Variants in CCND2 observed in about 807,000 individuals in gnomAD.
CCND2 encodes G1/S-specific cyclin-D2.
In CCND2, 6 loss-of-function variants were observed where a neutral mutation model predicts 30.2. The ratio of observed to expected loss-of-function variants is 0.20; its 90% confidence interval spans 0.11 to 0.39. The LOEUF (loss-of-function observed/expected upper bound fraction) is 0.39, where lower values mean the gene tolerates loss of function less well. CCND2 is among the 10% of genes least tolerant of loss of function. The pLI is 1.00. For missense variants in CCND2, 235 were observed against 373.4 expected, an observed-to-expected ratio of 0.63 and a Z score of 3.06; for synonymous variants, 150 against 153.1, an observed-to-expected ratio of 0.98 and a Z score of 0.15.
intron 4 of CCND2, among the ~76,000 whole-genome samples, chr12:4,289,550 T>A (rs1279197091): frequency 6.6e-6 from 1 of 152,210 alleles, no homozygotes; most frequent in Non-Finnish European, 1.5e-5. Context: ...AAAGACAAAG[T>A]GCCATACAAA....
intron 1 of CCND2, chr12:4,275,282 G>A (rs1863852546): frequency 6.6e-6 from 1 of 152,232 alleles, no homozygotes; most frequent in South Asian, 2.1e-4. Context: ...AGCCCCAGGG[G>A]TCGGAATACA....
chr12:4,278,470 G>T (rs1437375832), intron 2 of CCND2, among the ~76,000 whole-genome samples: 1 of 152,156 alleles, frequency 6.6e-6, no homozygotes, highest in African/African-American at 2.4e-5. Context: ...AGGGTTGGGA[G>T]GGGGTAAGGG....
chr12:4,297,172 C>CT (rs35043127), intron 4 of CCND2, among the ~76,000 whole-genome samples: 144,520 of 152,288 alleles, frequency 0.95, 68,925 homozygotes, highest in Non-Finnish European at 1. Context: ...CACTTTGTGC[C>CT]TTAACCCCCA....
Position 4,274,256 on chromosome 12 carries a change from CGCCAGGA to C in CCND2, c.195+29_195+35del. 1 of 1,611,792 alleles carries C rather than the reference CGCCAGGA, an allele frequency of 6.2e-7. No individual in the cohort carries two copies. The highest frequency in any genetic ancestry group is 8.5e-7 in the Non-Finnish European group (1 of 1,178,616). ...TGGAGGTAGGTCGGGGGGTGGCGCT[CGCCAGGA>C]GCCAGGACCCCTCCGGATGCTCGGG... On this transcript the variant is annotated intron_variant, in intron 1 of 4. Transcript: ENST00000261254. This position sits in a 1 kb window ranked among gnomAD's most constrained non-coding sequence, Gnocchi z 7.7.
intron 4 of CCND2, among the ~76,000 whole-genome samples, chr12:4,291,206 G>GATGTGTGTGTGTGTGTGTGTGTGTGT (rs1211445434): frequency 2.4e-4 from 2 of 8,352 alleles, no homozygotes; most frequent in East Asian, 0.026. Flanking sequence ...TCTGGGCTAG[G>GATGTGTGTGTGTGTGTGTGTGTGTGT]CTGTGTGTGT....
At chr12:4,291,376 G>A (rs1864099303) in intron 4 of CCND2, among the ~76,000 whole-genome samples, 1 of 152,144 alleles carries the variant, frequency 6.6e-6, no homozygotes, top group Non-Finnish European at 1.5e-5. Context: ...TGTGCTTCCT[G>A]AGCTCTGTTT....
chr12:4,284,384 A>T (rs1013855278), intron 3 of CCND2, among the ~76,000 whole-genome samples: 5 of 152,202 alleles, frequency 3.3e-5, no homozygotes, highest in African/African-American at 1.2e-4. Flanking sequence ...CCTCCTTCTG[A>T]TTCCAGAGCT....
At position 4,276,325 on chromosome 12, in the gene CCND2, A is replaced by G; in HGVS notation, c.411+105A>G. On this transcript the variant is annotated intron_variant, in intron 2 of 4. Coordinates refer to ENST00000261254, the MANE Select transcript of CCND2 (RefSeq NM_001759.4). The surrounding 1 kb of genome is among the most constrained non-coding windows in gnomAD (Gnocchi z 4.8). Reference sequence around the variant, plus strand: ...GCCAGAGCAAATTCTTGGGATCCAGAATGACCCCACCAATAGAATTTACCC... The same window carrying G: ...GCCAGAGCAAATTCTTGGGATCCAGGATGACCCCACCAATAGAATTTACCC... 1 of 895,556 alleles carries G rather than the reference A, an allele frequency of 1.1e-6. No individual in the cohort carries two copies. 55.5% of individuals were successfully genotyped at this position (895,556 alleles called of 1,614,324 possible).
chr12:4,298,071 G>A (rs76626715), intron 4 of CCND2: 14 of 212,812 alleles, frequency 6.6e-5, no homozygotes, highest in African/African-American at 1.8e-4. Flanking sequence ...ACATAATCAC[G>A]ATCATTTATT....
In CCND2 at chr12:4,299,801, T is replaced by A; in HGVS notation, c.721-59T>A. 1.3e-6 allele frequency: 2 copies of A among 1,508,212 alleles called. No individual in the cohort carries two copies. Among genetic ancestry groups the A allele is most frequent in the Non-Finnish European group, 1.8e-6 (2 of 1,101,270 alleles). The allele number at this position is 1,508,212 out of a possible 1,614,324, so 93.4% of individuals were successfully genotyped here. On this transcript the variant is annotated intron_variant, in intron 4 of 4. Coordinates refer to ENST00000261254, the MANE Select transcript of CCND2 (RefSeq NM_001759.4). The surrounding 1 kb of genome is among the most constrained non-coding windows in gnomAD (Gnocchi z 5.2). ...AGCTAAATTACGCATGTTTTCTCCG[T>A]AGGATGCTCTATGTCCTGTTCCTCT...
chr12:4,289,052 C>G, intron 4 of CCND2, 62 bp downstream of exon 4: 1 of 1,461,120 alleles, frequency 6.8e-7, no homozygotes, highest in Non-Finnish European at 9.3e-7. Context: ...GGGAAGGAGA[C>G]GACGGATTTG....
chr12:4,297,851 C>T (rs3217909), intron 4 of CCND2: 4 of 453,222 alleles, frequency 8.8e-6, no homozygotes, highest in South Asian at 3.1e-5. Context: ...GGCCAGCGCC[C>T]GACTCCATTT....
rs1864286197 is a variant in CCND2 at position 4,304,089 on chromosome 12, C to T, written c.*4080C>T. The T allele has an allele frequency of 4.3e-6, 1 of 233,274 alleles. No individual in the cohort carries two copies. Among genetic ancestry groups the T allele is most frequent in the South Asian group, 1.8e-4 (1 of 5,540 alleles). The allele number at this position is 233,274 out of a possible 1,614,324, so 14.5% of individuals were successfully genotyped here. A position where few individuals can be genotyped will look rare whatever the true frequency, so the allele number is the denominator to read the frequency against. ...AAAGGTTAAGAACATAAGGCAGGAT[C>T]AGATGACTCTCTCCAAGAGGGCAGG... On this transcript the variant is annotated 3_prime_UTR_variant, in exon 5 of 5. Coordinates refer to ENST00000261254, the MANE Select transcript of CCND2 (RefSeq NM_001759.4). This position sits in a 1 kb window ranked among gnomAD's most constrained non-coding sequence, Gnocchi z 6.2.
Position 4,303,279 on chromosome 12 carries a change from T to C in CCND2, c.*3270T>C. 1 of 233,370 alleles carries C rather than the reference T, an allele frequency of 4.3e-6. No homozygotes were observed. Among genetic ancestry groups the C allele is most frequent in the Non-Finnish European group, 8.5e-6 (1 of 118,134 alleles). The allele number at this position is 233,370 out of a possible 1,614,324, so 14.5% of individuals were successfully genotyped here. ...ATGGGAAAGTCGGGGGTTGTTAGGC[T>C]TTTCTGCCTGCTCCTGCTTAAACAC... is the stretch of plus-strand genomic sequence containing the variant. On this transcript the variant is annotated 3_prime_UTR_variant, in exon 5 of 5. Coordinates refer to ENST00000261254, the MANE Select transcript of CCND2 (RefSeq NM_001759.4). This position sits in a 1 kb window ranked among gnomAD's most constrained non-coding sequence, Gnocchi z 4.6.
rs147089227 is a variant in CCND2 at position 4,284,987 on chromosome 12, C to T, written c.572-3855C>T. ...CGGACCTCAGGTCATCTGCCCACCT[C>T]GGCCTCCCAAAGTGCTAGGATTACA... On this transcript the variant is annotated intron_variant, in intron 3 of 4. Transcript: ENST00000261254. 3.3e-5 allele frequency among the ~76,000 whole-genome samples: 5 copies of T among 152,280 alleles called. No individual in the cohort carries two copies. The East Asian group carries it at 7.7e-4, about 23-fold the overall frequency.
At chr12:4,294,035 C>T (rs1157797081) in intron 4 of CCND2, among the ~76,000 whole-genome samples, 1 of 152,132 alleles carries the variant, frequency 6.6e-6, no homozygotes, top group South Asian at 2.1e-4. Context: ...CTGAGTTGGC[C>T]GCGGGTCTGG....
chr12:4,288,508 C>T (rs193295533), intron 3 of CCND2, among the ~76,000 whole-genome samples: 17 of 152,160 alleles, frequency 1.1e-4, no homozygotes, highest in African/African-American at 9.7e-5. Flanking sequence ...TTGCTCCCCC[C>T]ACCAGGGTCA....
At position 4,293,054 on chromosome 12, in the gene CCND2, G is replaced by A. The variant is rs1864121958; in HGVS notation, c.720+4064G>A. ...AGGGAAGAGGAAGGAAGGAGCAAAG[G>A]ACAAAGGCAGGCAGATGGGTTTCCA... On this transcript the variant is annotated intron_variant, in intron 4 of 4. Transcript: ENST00000261254. The surrounding 1 kb of genome is among the most constrained non-coding windows in gnomAD (Gnocchi z 4.9). 6.6e-6 allele frequency among the ~76,000 whole-genome samples: 1 copy of A among 152,224 alleles called. No individual in the cohort carries two copies. Among genetic ancestry groups the A allele is most frequent in the Non-Finnish European group, 1.5e-5 (1 of 68,042 alleles).
chr12:4,298,523 A>G (rs1435325053), intron 4 of CCND2, among the ~76,000 whole-genome samples: 1 of 152,230 alleles, frequency 6.6e-6, no homozygotes, highest in Non-Finnish European at 1.5e-5. Context: ...GATTACAGGC[A>G]TGAGCCAATA....
Sources: gnomAD v4.1 joint callset for allele counts (sites outside exome capture counted in the v4.1 genomes callset) on GRCh38, gnomAD v4.1.1 for gene constraint, Gnocchi (gnomAD v3.1) non-coding constraint, MANE v1.5 for transcripts, NCBI Gene and HGNC (gene_info 2026-07-23, HGNC 2026-07-21) for gene names.